CRPPA: variants seen among roughly 807,000 people sequenced by gnomAD.
The protein encoded by CRPPA is D-ribitol-5-phosphate cytidylyltransferase.
CRPPA carries 43 observed loss-of-function variants against 52.0 expected under a neutral mutation model. The observed-to-expected ratio is 0.83, with a 90% CI of 0.65 to 1.07. CRPPA has a LOEUF of 1.07. Among genes scored for constraint, CRPPA ranks in the 50% least tolerant of loss-of-function variants. CRPPA has a pLI of 0.00. For synonymous variants in CRPPA, 250 were observed against 203.5 expected, an observed-to-expected ratio of 1.23 and a Z score of -1.94; for missense variants, 629 against 551.7, an observed-to-expected ratio of 1.14 and a Z score of -1.40.
intron 9 of CRPPA, among the ~76,000 whole-genome samples, chr7:16,125,569 G>C (rs1482649471): frequency 1.3e-5 from 2 of 151,982 alleles, no homozygotes; most frequent in Non-Finnish European, 2.9e-5. Flanking sequence ...CCAAGACATG[G>C]TATACTCTCA....
rs200687291 is a variant in CRPPA at position 16,346,520 on chromosome 7, AG to A, written c.684+29571del. Among the ~76,000 whole-genome samples the A allele has an allele frequency of 2.2e-3, 291 of 134,744 alleles. 1 individual carries two copies. Among genetic ancestry groups the A allele is most frequent in the African/African-American group, 8.0e-3 (279 of 34,766 alleles). 88.4% of individuals were successfully genotyped at this position (134,744 alleles called of 152,430 possible). A position where few individuals can be genotyped will look rare whatever the true frequency, so the allele number is the denominator to read the frequency against. On this transcript the variant is annotated intron_variant, in intron 3 of 9. Coordinates refer to ENST00000407010, the MANE Select transcript of CRPPA (RefSeq NM_001101426.4). ...TTCATGCAAGAAAGTTCATAGCAAG[AG>A]AAAAAAAAATGATAAGAAAAGCTAA...
chr7:16,109,868 G>A (rs1782225899), intron 9 of CRPPA, among the ~76,000 whole-genome samples: 1 of 151,942 alleles, frequency 6.6e-6, no homozygotes, highest in Non-Finnish European at 1.5e-5. Context: ...TAATGCTGAA[G>A]CCTTTCTACT....
intron 8 of CRPPA, among the ~76,000 whole-genome samples, chr7:16,221,596 C>T (rs1304815550): frequency 2.0e-5 from 3 of 151,692 alleles, no homozygotes; most frequent in African/African-American, 7.3e-5. Context: ...AACAAATTTA[C>T]AAGAAAAAAA....
intron 3 of CRPPA, among the ~76,000 whole-genome samples, chr7:16,348,353 A>G (rs1275101766): frequency 6.6e-6 from 1 of 152,220 alleles, no homozygotes; most frequent in African/African-American, 2.4e-5. Context: ...GCAATTTTAT[A>G]CGAGCAAACA....
chr7:16,193,554 A>G (rs1479997820), intron 9 of CRPPA, among the ~76,000 whole-genome samples: 1 of 152,128 alleles, frequency 6.6e-6, no homozygotes, highest in African/African-American at 2.4e-5. Flanking sequence ...AAATATAAAT[A>G]TTGAGATAAT....
intron 9 of CRPPA, among the ~76,000 whole-genome samples, chr7:16,206,374 G>A (rs190012499): frequency 1.1e-3 from 174 of 151,976 alleles, no homozygotes; most frequent in African/African-American, 3.6e-3. Context: ...CTTTACTTGC[G>A]TCCTAACTTC....
chr7:16,399,257 A>G (rs538900603), intron 2 of CRPPA, among the ~76,000 whole-genome samples: 5 of 152,318 alleles, frequency 3.3e-5, no homozygotes, highest in African/African-American at 1.2e-4. Context: ...GCACAGGTCC[A>G]ACATGTGACT....
chr7:16,287,436 C>T (rs925746481), intron 5 of CRPPA, among the ~76,000 whole-genome samples: 4 of 152,146 alleles, frequency 2.6e-5, no homozygotes, highest in Non-Finnish European at 4.4e-5. Context: ...ACTTATTTTC[C>T]AGGCTCTGTA....
At chr7:16,342,782 A>ATCT (rs1288372117) in intron 3 of CRPPA, among the ~76,000 whole-genome samples, 1 of 76,542 alleles carries the variant, frequency 1.3e-5, no homozygotes, top group African/African-American at 4.8e-5. Flanking sequence ...AAAAAAAAAA[A>ATCT]ATATATATAT....
intron 3 of CRPPA, among the ~76,000 whole-genome samples, chr7:16,347,884 G>A (rs1786055089): frequency 6.6e-6 from 1 of 152,010 alleles, no homozygotes; most frequent in Non-Finnish European, 1.5e-5. Context: ...CCAATGCAGG[G>A]AGTGAAGAGG....
At chr7:16,128,087 C>T (rs999642687) in intron 9 of CRPPA, among the ~76,000 whole-genome samples, 4 of 152,044 alleles carry the variant, frequency 2.6e-5, no homozygotes, top group African/African-American at 9.7e-5. Flanking sequence ...TTTACTCCCG[C>T]CAACAGTGTA....
At chr7:16,304,472 C>T (rs557623880) in intron 4 of CRPPA, among the ~76,000 whole-genome samples, 2 of 152,234 alleles carry the variant, frequency 1.3e-5, no homozygotes, top group African/African-American at 4.8e-5. Flanking sequence ...GACACCCCGT[C>T]TCTACTAAAA....
At position 16,297,702 on chromosome 7, in the gene CRPPA, T is replaced by C. The variant is rs138931688; in HGVS notation, c.835+3719A>G. On this transcript the variant is annotated intron_variant, in intron 5 of 9. Transcript: ENST00000407010. ...GGCAAAATCAGTCCTGAACTTGAAC[T>C]GGCTTAGAAGCTCTATAGCCTTTAT... is the stretch of plus-strand genomic sequence containing the variant. 1.4e-3 allele frequency among the ~76,000 whole-genome samples: 220 copies of C among 152,360 alleles called. 1 individual carries two copies. Among genetic ancestry groups the C allele is most frequent in the African/African-American group, 5.1e-3 (211 of 41,588 alleles).
intron 9 of CRPPA, among the ~76,000 whole-genome samples, chr7:16,147,367 C>T (rs374191530): frequency 3.3e-5 from 5 of 152,156 alleles, no homozygotes; most frequent in East Asian, 1.9e-4. Flanking sequence ...TATACACTCC[C>T]AGGGATTAAC....
chr7:16,346,540 A>T (rs902350016), intron 3 of CRPPA, among the ~76,000 whole-genome samples: 3 of 152,052 alleles, frequency 2.0e-5, no homozygotes, highest in Admixed American at 1.3e-4. Context: ...ATGATAAGAA[A>T]AGCTAAGATA....
At chr7:16,216,608 G>T in intron 8 of CRPPA, 1 of 159,518 alleles carries the variant, frequency 6.3e-6, no homozygotes, top group Non-Finnish European at 1.4e-5. Context: ...CGGAAGCAGG[G>T]CAAGGCATTG....
intron 3 of CRPPA, among the ~76,000 whole-genome samples, chr7:16,333,370 C>A (rs1785602895): frequency 1.3e-5 from 2 of 152,210 alleles, no homozygotes; most frequent in Middle Eastern, 3.4e-3. Flanking sequence ...CTTCTGAGGC[C>A]ATTAAAAACC....
At chr7:16,364,828 C>T (rs1194187962) in intron 3 of CRPPA, among the ~76,000 whole-genome samples, 6 of 152,180 alleles carry the variant, frequency 3.9e-5, no homozygotes, top group Non-Finnish European at 8.8e-5. Context: ...AGCCAGCCCA[C>T]ATAACAAATG....
intron 9 of CRPPA, among the ~76,000 whole-genome samples, chr7:16,212,302 G>C (rs1050529706): frequency 6.6e-6 from 1 of 152,160 alleles, no homozygotes; most frequent in Non-Finnish European, 1.5e-5. Context: ...GCTTTCAAAA[G>C]TTCTATTTCC....
Sources: allele counts gnomAD v4.1 joint callset (sites outside exome capture counted in the v4.1 genomes callset), GRCh38; gene constraint gnomAD v4.1.1; transcripts MANE v1.5; gene names NCBI Gene and HGNC (gene_info 2026-07-23, HGNC 2026-07-21).